The following SLC12A5 variants were observed in gnomAD, a reference collection of about 807,000 sequenced individuals.
SLC12A5 encodes the protein solute carrier family 12 member 5.
A neutral mutation model predicts 124.0 loss-of-function variants in SLC12A5; 18 were observed. That is an observed-to-expected ratio of 0.15 (90% confidence interval 0.10 to 0.22). SLC12A5 has a LOEUF of 0.22. SLC12A5 is among the 10% of genes least tolerant of loss of function. SLC12A5 has a pLI of 1.00. For synonymous variants in SLC12A5, 589 were observed against 568.0 expected, an observed-to-expected ratio of 1.04 and a Z score of -0.53; for missense variants, 867 against 1,478.7, an observed-to-expected ratio of 0.59 and a Z score of 6.78.
chr20:46,036,604 G>A lies in SLC12A5; in HGVS notation c.427-137G>A. The A allele has an allele frequency of 3.7e-6, 3 of 812,660 alleles. No individual in the cohort carries two copies. In the South Asian group the frequency reaches 4.9e-5, roughly 13 times the overall value. The allele number at this position is 812,660 out of a possible 1,614,324, so 50.3% of individuals were successfully genotyped here. On this transcript the variant is annotated intron_variant, in intron 4 of 25. Transcript: ENST00000243964. ...AAGGACTTGGCAGGAGTAGAAGTTGGAACAGGTCCAGGGAGCAGCTCAGCA... is the reference window on the plus strand; with the variant it reads ...AAGGACTTGGCAGGAGTAGAAGTTGAAACAGGTCCAGGGAGCAGCTCAGCA...
intron 1 of SLC12A5, among the ~76,000 whole-genome samples, chr20:46,032,271 G>T (rs1384913037): frequency 6.6e-6 from 1 of 152,198 alleles, no homozygotes; most frequent in African/African-American, 2.4e-5. Flanking sequence ...CCCTATTCCT[G>T]TCCCCTGAGC....
intron 1 of SLC12A5, chr20:46,022,125 G>A (rs1600581189): frequency 2.2e-6 from 1 of 461,216 alleles, no homozygotes; most frequent in East Asian, 4.3e-5. Flanking sequence ...GGAAAGGGGT[G>A]GGGCCAGGGA....
chr20:46,035,164 C>T (rs1338983110), intron 2 of SLC12A5, 122 bp downstream of exon 2: 2 of 1,109,046 alleles, frequency 1.8e-6, no homozygotes, highest in Non-Finnish European at 2.7e-6. Flanking sequence ...AGTCTACCTT[C>T]TTCCTTGAGC....
rs1180542166 is a variant in SLC12A5 at position 46,056,966 on chromosome 20, C to T, written c.3125+55C>T. 1.2e-6 allele frequency: 2 copies of T among 1,613,060 alleles called. No individual in the cohort carries two copies. The highest frequency in any genetic ancestry group is 1.7e-6 in the Non-Finnish European group (2 of 1,179,154). On this transcript the variant is annotated intron_variant, in intron 24 of 25. Transcript: ENST00000243964. This position sits in a 1 kb window ranked among gnomAD's most constrained non-coding sequence, Gnocchi z 4.3. ...CTCCTAGGATGGCCAGGGTCCCTAC[C>T]CTCCTCACTCTGTTGTGAACCCCTA...
At chr20:46,044,881 G>T (rs2084579758) in intron 11 of SLC12A5, 85 bp from the exon 12 acceptor site, 2 of 1,497,838 alleles carry the variant, frequency 1.3e-6, no homozygotes, top group Non-Finnish European at 9.3e-7. Context: ...CAGGCACACA[G>T]TTGGTTCTGT....
chr20:46,024,141 C>CTGTGTGTGTGTG (rs3222615), downstream of SLC12A5, among the ~76,000 whole-genome samples: 2,396 of 147,728 alleles, frequency 0.016, 78 homozygotes, highest in Admixed American at 0.088. Context: ...GTGGCAGAGG[C>CTGTGTGTGTGTG]TGTGTGTGTG....
At position 46,047,647 on chromosome 20, in the gene SLC12A5, T is replaced by G. The variant is rs191106262; in HGVS notation, c.1907+74T>G. The G allele has an allele frequency of 2.1e-5, 32 of 1,533,672 alleles. No individual in the cohort carries two copies. The East Asian group carries it at 6.0e-4, about 29-fold the overall frequency. Reference sequence around the variant, plus strand: ...GGTGGGAAGGAGAGGGAAGGGGTCATGAGGGATTGGGGTGGTGGGGGTGAG... The same window carrying G: ...GGTGGGAAGGAGAGGGAAGGGGTCAGGAGGGATTGGGGTGGTGGGGGTGAG... On this transcript the variant is annotated intron_variant, in intron 15 of 25. Coordinates refer to ENST00000243964, the MANE Select transcript of SLC12A5 (RefSeq NM_020708.5).
Position 46,034,963 on chromosome 20 carries a change from A to C in SLC12A5, c.68A>C (p.Lys23Thr). Residue 23 changes from lysine (K) to threonine (T), a missense_variant, in exon 2 of 26, where the codon AAG becomes ACG. Coordinates refer to ENST00000243964, the MANE Select transcript of SLC12A5 (RefSeq NM_020708.5). ...CCCTTCTCAGGTGATGGCAACCCCA[A>C]GGAAAGCAGTCCCTTCATCAACAGC... is the stretch of plus-strand genomic sequence containing the variant. ...GGANPGDGNP[K>T]ESSPFINSTD... 6.2e-7 allele frequency: 1 copy of C among 1,614,052 alleles called. No individual in the cohort carries two copies. The highest frequency in any genetic ancestry group is 2.2e-5 in the East Asian group (1 of 44,880).
At chr20:46,051,215 G>A (rs1191716447) in intron 17 of SLC12A5, among the ~76,000 whole-genome samples, 1 of 152,086 alleles carries the variant, frequency 6.6e-6, no homozygotes, top group East Asian at 1.9e-4. Flanking sequence ...AGTTTAAATG[G>A]GAGCCCTTAA....
chr20:46,059,381 G>C lies in SLC12A5; in HGVS notation c.*1776G>C. ...TTACACCAAGTCCCCTCTGAGATTCGATCAGGGGACTGGATAGATTCTTTC... is the reference window on the plus strand; with the variant it reads ...TTACACCAAGTCCCCTCTGAGATTCCATCAGGGGACTGGATAGATTCTTTC... On this transcript the variant is annotated 3_prime_UTR_variant, in exon 26 of 26. Transcript: ENST00000243964. 1 of 392,560 alleles carries C rather than the reference G, an allele frequency of 2.5e-6. No homozygotes were observed. Among genetic ancestry groups the C allele is most frequent in the Non-Finnish European group, 4.5e-6 (1 of 222,808 alleles). 24.3% of individuals were successfully genotyped at this position (392,560 alleles called of 1,614,324 possible).
In SLC12A5 at chr20:46,045,213, C is replaced by A; in HGVS notation, c.1569+73C>A. 1 of 1,486,304 alleles carries A rather than the reference C, an allele frequency of 6.7e-7. No homozygotes were observed. 92.1% of individuals were successfully genotyped at this position (1,486,304 alleles called of 1,614,324 possible). On this transcript the variant is annotated intron_variant, in intron 12 of 25. Transcript: ENST00000243964. The surrounding 1 kb of genome is among the most constrained non-coding windows in gnomAD (Gnocchi z 4.9). ...CCTGCCCAGAGAGACCACACAGTGA[C>A]CCAGGGCCATAACCAGCCTTAGACT...
At chr20:46,035,192 T>C in intron 2 of SLC12A5, 150 bp downstream of exon 2, 2 of 1,015,686 alleles carry the variant, frequency 2.0e-6, no homozygotes, top group South Asian at 2.9e-5. Context: ...TCCCTCCTTC[T>C]CCCTCCTGGG....
Position 46,057,714 on chromosome 20 carries a change from C to T in SLC12A5, c.*109C>T. On this transcript the variant is annotated 3_prime_UTR_variant, in exon 26 of 26. Transcript: ENST00000243964. The surrounding 1 kb of genome is among the most constrained non-coding windows in gnomAD (Gnocchi z 7.1). Reference sequence around the variant, plus strand: ...TTACATACAGACCCTGTGCCCGTGTCCTGGCCCCTTACCCCGCTGCCTGAA... The same window carrying T: ...TTACATACAGACCCTGTGCCCGTGTTCTGGCCCCTTACCCCGCTGCCTGAA... 1.2e-6 allele frequency: 1 copy of T among 842,082 alleles called. No homozygotes were observed. Among genetic ancestry groups the T allele is most frequent in the Non-Finnish European group, 1.8e-6 (1 of 555,372 alleles). The allele number at this position is 842,082 out of a possible 1,614,324, so 52.2% of individuals were successfully genotyped here.
upstream of SLC12A5, among the ~76,000 whole-genome samples, chr20:46,028,243 C>G (rs2084415380): frequency 6.6e-6 from 1 of 152,180 alleles, no homozygotes; most frequent in East Asian, 1.9e-4. Context: ...AGGAGAAAAT[C>G]TGGTCTCAAA....
At chr20:46,023,457 C>T (rs1428882665) in exon 3 of SLC12A5, 2 of 398,856 alleles carry the variant, frequency 5.0e-6, no homozygotes, top group Non-Finnish European at 8.8e-6. Context: ...GTCATCATCG[C>T]CCTGCTCCAA....
At chr20:46,035,213 T>G in intron 2 of SLC12A5, 171 bp downstream of exon 2, 1 of 990,694 alleles carries the variant, frequency 1.0e-6, no homozygotes, top group Non-Finnish European at 1.6e-6. Flanking sequence ...ATTTACTCCC[T>G]CTGCTCCCTG....
In SLC12A5 at chr20:46,056,289, G is replaced by T; in HGVS notation, c.2910+17G>T. The stretch of plus-strand genomic sequence containing the variant: ...GAGGAGGAGGTGTGCAGCTTGGGTG[G>T]TTTGGCCCCAACCAGTGGGAGCAGA... On this transcript the variant is annotated intron_variant, in intron 22 of 25. Transcript: ENST00000243964. This position sits in a 1 kb window ranked among gnomAD's most constrained non-coding sequence, Gnocchi z 4.3. 1.2e-6 allele frequency: 2 copies of T among 1,614,040 alleles called. No individual in the cohort carries two copies. The highest frequency in any genetic ancestry group is 1.7e-6 in the Non-Finnish European group (2 of 1,179,910).
chr20:46,051,945 T>C (rs545888752), intron 18 of SLC12A5, 75 bp downstream of exon 18: 2 of 1,272,776 alleles, frequency 1.6e-6, no homozygotes, highest in East Asian at 2.6e-5. Flanking sequence ...GGATTTCCGC[T>C]CCTTTGGGCC....
intron 7 of SLC12A5, 94 bp from the exon 8 acceptor site, chr20:46,041,235 G>A: frequency 1.9e-6 from 2 of 1,032,482 alleles, no homozygotes; most frequent in Non-Finnish European, 2.9e-6. Context: ...GGGACCTGGC[G>A]TCCGTGTGTT....
Sources: gnomAD v4.1 joint callset for allele counts (sites outside exome capture counted in the v4.1 genomes callset) on GRCh38, gnomAD v4.1.1 for gene constraint, Gnocchi (gnomAD v3.1) non-coding constraint, MANE v1.5 for transcripts, NCBI Gene and HGNC (gene_info 2026-07-23, HGNC 2026-07-21) for gene names.